PDZRN4: variants seen among roughly 807,000 people sequenced by gnomAD.
The protein encoded by PDZRN4 is PDZ domain-containing RING finger protein 4.
PDZRN4 carries 70 observed loss-of-function variants against 99.0 expected under a neutral mutation model. The ratio of observed to expected loss-of-function variants is 0.71; its 90% confidence interval spans 0.58 to 0.86. PDZRN4 has a LOEUF of 0.86. Ranked by LOEUF, PDZRN4 falls within the 40% of genes least tolerant of loss-of-function variation. PDZRN4 has a pLI of 0.00. For missense variants in PDZRN4, 1,474 were observed against 1,331.2 expected (o/e 1.11, Z -1.67); for synonymous variants, 551 against 501.6 (o/e 1.10, Z -1.32).
At chr12:41,508,444 T>C (rs1045319590) in intron 4 of PDZRN4, among the ~76,000 whole-genome samples, 3 of 152,184 alleles carry the variant, frequency 2.0e-5, no homozygotes, top group African/African-American at 7.2e-5. Flanking sequence ...TAGGGCAGAA[T>C]TGGATTTTGT....
At position 41,431,510 on chromosome 12, in the gene PDZRN4, C is replaced by T. The variant is rs535850872; in HGVS notation, c.844-74946C>T. Among the ~76,000 whole-genome samples the T allele has an allele frequency of 2.0e-5, 3 of 152,288 alleles. No individual in the cohort carries two copies. The East Asian group carries it at 5.8e-4, about 29-fold the overall frequency. On this transcript the variant is annotated intron_variant, in intron 3 of 9. Transcript: ENST00000402685. ...AATACTTCATAGTTCATGAATCTTC[C>T]TCAGGTCTGTTACCTTATTTCGTCT...
chr12:41,208,482 C>T (rs1184681400), intron 3 of PDZRN4, among the ~76,000 whole-genome samples: 1 of 151,700 alleles, frequency 6.6e-6, no homozygotes, highest in Non-Finnish European at 1.5e-5. Context: ...TAATCTTTGT[C>T]AATTATTTTA....
chr12:41,314,289 G>A (rs1951625046), intron 3 of PDZRN4, among the ~76,000 whole-genome samples: 1 of 152,138 alleles, frequency 6.6e-6, no homozygotes, highest in Non-Finnish European at 1.5e-5. Context: ...TTAAGTTTCT[G>A]ATCCTCCAAC....
chr12:41,221,509 A>G (rs1033750689), intron 3 of PDZRN4, among the ~76,000 whole-genome samples: 1 of 152,124 alleles, frequency 6.6e-6, no homozygotes, highest in African/African-American at 2.4e-5. Flanking sequence ...ACAGAACCTT[A>G]TTAGTGTGGG....
At chr12:41,273,316 C>A (rs897951569) in intron 3 of PDZRN4, among the ~76,000 whole-genome samples, 2 of 151,986 alleles carry the variant, frequency 1.3e-5, no homozygotes, top group African/African-American at 4.8e-5. Context: ...TTGCATAAGA[C>A]AGTATGCTGG....
Position 41,447,892 on chromosome 12 carries a change from GA to G in PDZRN4, c.844-58557del, listed in dbSNP as rs71434365. The stretch of plus-strand genomic sequence containing the variant: ...AGGCACTCAATAAGTATCTCATAAA[GA>G]AAAAAATGGAAGAAGGAATGGAGGA... On this transcript the variant is annotated intron_variant, in intron 3 of 9. Coordinates refer to ENST00000402685, the MANE Select transcript of PDZRN4 (RefSeq NM_001164595.2). Among the ~76,000 whole-genome samples, 1,386 of 151,918 alleles carry G rather than the reference GA, an allele frequency of 9.1e-3. 13 individuals are homozygous for G. Among genetic ancestry groups the G allele is most frequent in the African/African-American group, 0.031 (1,279 of 41,464 alleles).
At position 41,504,801 on chromosome 12, in the gene PDZRN4, G is replaced by T. The variant is rs1458171; in HGVS notation, c.844-1655G>T. 5.8e-4 allele frequency among the ~76,000 whole-genome samples: 89 copies of T among 152,240 alleles called. 1 individual carries two copies. Among genetic ancestry groups the T allele is most frequent in the African/African-American group, 2.0e-3 (82 of 41,546 alleles). ...TTTCAAGTTTAGTTCATGAAAAAAA[G>T]AATCAGACAGAGAATGCATAGATTA... On this transcript the variant is annotated intron_variant, in intron 3 of 9. Coordinates refer to ENST00000402685, the MANE Select transcript of PDZRN4 (RefSeq NM_001164595.2).
At chr12:41,278,132 A>T (rs73120989) in intron 3 of PDZRN4, among the ~76,000 whole-genome samples, 3,614 of 152,264 alleles carry the variant, frequency 0.024, 144 homozygotes, top group African/African-American at 0.082. Context: ...TGTACTCAAA[A>T]TTCAAATCCC....
chr12:41,560,962 G>A (rs1939259913), intron 7 of PDZRN4, among the ~76,000 whole-genome samples: 1 of 152,136 alleles, frequency 6.6e-6, no homozygotes, highest in African/African-American at 2.4e-5. Context: ...ACAGATTTCT[G>A]TGTCAGTGAT....
At chr12:41,197,216 A>T (rs1950779152) in intron 3 of PDZRN4, among the ~76,000 whole-genome samples, 2 of 152,120 alleles carry the variant, frequency 1.3e-5, no homozygotes, top group Admixed American at 1.3e-4. Flanking sequence ...GAGGAAGTAG[A>T]CATGTTAAAG....
At chr12:41,477,958 T>G in intron 3 of PDZRN4, 1 of 1,295,524 alleles carries the variant, frequency 7.7e-7, no homozygotes, top group Non-Finnish European at 1.1e-6. Context: ...CATATTATTC[T>G]CTTGCTTATC....
intron 3 of PDZRN4, among the ~76,000 whole-genome samples, chr12:41,347,113 T>C (rs980025561): frequency 1.3e-5 from 2 of 152,154 alleles, no homozygotes; most frequent in African/African-American, 2.4e-5. Flanking sequence ...TGAACGTTCA[T>C]GTATGAATTT....
At chr12:41,417,045 G>A (rs1227533871) in intron 3 of PDZRN4, among the ~76,000 whole-genome samples, 1 of 152,122 alleles carries the variant, frequency 6.6e-6, no homozygotes, top group African/African-American at 2.4e-5. Flanking sequence ...CAACTAAAGA[G>A]GTAACCTCTG....
intron 3 of PDZRN4, among the ~76,000 whole-genome samples, chr12:41,233,167 G>T (rs551564329): frequency 6.6e-6 from 1 of 152,056 alleles, no homozygotes; most frequent in Non-Finnish European, 1.5e-5. Flanking sequence ...CATTTATGCA[G>T]CCAAAAAACA....
At chr12:41,518,243 G>C (rs1030487599) in intron 5 of PDZRN4, among the ~76,000 whole-genome samples, 1 of 151,974 alleles carries the variant, frequency 6.6e-6, no homozygotes, top group African/African-American at 2.4e-5. Flanking sequence ...ATCCAGTTCA[G>C]TGTAACTGAA....
chr12:41,340,807 T>C (rs549785697), intron 3 of PDZRN4, among the ~76,000 whole-genome samples: 54 of 151,958 alleles, frequency 3.6e-4, no homozygotes, highest in African/African-American at 1.3e-3. Context: ...GAAGAACTAA[T>C]ACTAAGTCCC....
intron 3 of PDZRN4, among the ~76,000 whole-genome samples, chr12:41,279,225 G>T (rs553601109): frequency 6.6e-6 from 1 of 152,252 alleles, no homozygotes; most frequent in African/African-American, 2.4e-5. Context: ...TATAAAATAA[G>T]AATGCTGAAC....
chr12:41,279,239 A>C (rs901970246), intron 3 of PDZRN4, among the ~76,000 whole-genome samples: 3 of 152,236 alleles, frequency 2.0e-5, no homozygotes, highest in Non-Finnish European at 4.4e-5. Flanking sequence ...GCTGAACTAG[A>C]GAGATGTATA....
At chr12:41,331,930 G>A (rs1490878793) in intron 3 of PDZRN4, among the ~76,000 whole-genome samples, 1 of 152,104 alleles carries the variant, frequency 6.6e-6, no homozygotes, top group Non-Finnish European at 1.5e-5. Context: ...TCTATCTGGA[G>A]CATTAGCTAA....
Sources: gnomAD v4.1 joint callset for allele counts (sites outside exome capture counted in the v4.1 genomes callset) on GRCh38, gnomAD v4.1.1 for gene constraint, MANE v1.5 for transcripts, NCBI Gene and HGNC (gene_info 2026-07-23, HGNC 2026-07-21) for gene names.